Variants in STAT1 observed in about 807,000 individuals in gnomAD.
STAT1 encodes the protein signal transducer and activator of transcription 1-alpha/beta.
A neutral mutation model predicts 111.7 loss-of-function variants in STAT1; 24 were observed. That is an observed-to-expected ratio of 0.21 (90% CI 0.16 to 0.30). The LOEUF is 0.30. Ranked by LOEUF, STAT1 falls within the 10% of genes least tolerant of loss-of-function variation. The pLI is 1.00. For synonymous variants in STAT1, 332 were observed against 326.5 expected (o/e 1.02, Z -0.18); for missense variants, 351 against 911.9 (o/e 0.38, Z 7.92).
rs566349352 is a variant in STAT1, at chr2:190,970,346, A to G, written c.*357T>C. On this transcript the variant is annotated 3_prime_UTR_variant, in exon 25 of 25. Coordinates refer to ENST00000361099, the MANE Select transcript of STAT1 (RefSeq NM_007315.4). This position sits in a 1 kb window ranked among gnomAD's most constrained non-coding sequence, Gnocchi z 5.4. Reference sequence around the variant, plus strand: ...ACTGATTTATCCAACAACCTATAACAGTTGGGCACTGACTTTATGCATAAC... The same window carrying G: ...ACTGATTTATCCAACAACCTATAACGGTTGGGCACTGACTTTATGCATAAC... 2 of 365,550 alleles carry G rather than the reference A, an allele frequency of 5.5e-6. No individual in the cohort carries two copies. The highest frequency in any genetic ancestry group is 4.2e-5 in the African/African-American group (2 of 47,904). The allele number at this position is 365,550 out of a possible 1,614,324, so 22.6% of individuals were successfully genotyped here.
At position 191,003,772 on chromosome 2, in the gene STAT1, T is replaced by C. The variant is rs929841265; in HGVS notation, c.373-2609A>G. On this transcript the variant is annotated intron_variant, in intron 5 of 24. Coordinates refer to ENST00000361099, the MANE Select transcript of STAT1 (RefSeq NM_007315.4). The surrounding 1 kb of genome is among the most constrained non-coding windows in gnomAD (Gnocchi z 4.0). ...AGTCTCAGGTATTTCTTTATAGCCA[T>C]GCAAGAACAGACTAATACAACTTCT... Among the ~76,000 whole-genome samples the C allele has an allele frequency of 3.3e-5, 5 of 152,190 alleles. 1 individual carries two copies. The highest frequency in any genetic ancestry group is 9.7e-5 in the African/African-American group (4 of 41,426).
At chr2:190,985,598 A>G in intron 15 of STAT1, 21 bp downstream of exon 15, 1 of 1,614,138 alleles carries the variant, frequency 6.2e-7, no homozygotes, top group Non-Finnish European at 8.5e-7. Flanking sequence ...GGGCCCATTC[A>G]CAACATAAAG....
chr2:191,009,166 C>T, intron 3 of STAT1, 59 bp from the exon 4 acceptor site: 1 of 1,574,360 alleles, frequency 6.4e-7, no homozygotes. Flanking sequence ...GTAAAACAGA[C>T]AAAACAAATG....
At position 190,989,813 on chromosome 2, in the gene STAT1, T is replaced by C; in HGVS notation, c.1038-139A>G. 1.6e-6 allele frequency: 1 copy of C among 640,258 alleles called. No homozygotes were observed. The highest frequency in any genetic ancestry group is 2.8e-6 in the Non-Finnish European group (1 of 360,926). 39.7% of individuals were successfully genotyped at this position (640,258 alleles called of 1,614,324 possible). A position where few individuals can be genotyped will look rare whatever the true frequency, so the allele number is the denominator to read the frequency against. ...ATTACCAACAAAAAAACTGACAGTT[T>C]TGTAGATCTACTTAAATTTTTGTAA... On this transcript the variant is annotated intron_variant, in intron 11 of 24. Coordinates refer to ENST00000361099, the MANE Select transcript of STAT1 (RefSeq NM_007315.4). The surrounding 1 kb of genome is among the most constrained non-coding windows in gnomAD (Gnocchi z 5.0).
chr2:191,005,206 C>G (rs1169065917), intron 5 of STAT1, among the ~76,000 whole-genome samples: 1 of 152,180 alleles, frequency 6.6e-6, no homozygotes, highest in Non-Finnish European at 1.5e-5. Context: ...ACAGTTTCAA[C>G]AATTAGCATT....
intron 12 of STAT1, among the ~76,000 whole-genome samples, chr2:190,988,942 G>A (rs1240151762): frequency 6.6e-6 from 1 of 152,078 alleles, no homozygotes; most frequent in East Asian, 1.9e-4. Context: ...CTTAATGAGA[G>A]TGGCCAAGTT....
Position 190,970,737 on chromosome 2 carries a change from G to A in STAT1, c.2239-20C>T, listed in dbSNP as rs1193683348. On this transcript the variant is annotated intron_variant, in intron 24 of 24. Coordinates refer to ENST00000361099, the MANE Select transcript of STAT1 (RefSeq NM_007315.4). The surrounding 1 kb of genome is among the most constrained non-coding windows in gnomAD (Gnocchi z 5.4). ...GTTCATCTGTAAAAAGACAAAATGT[G>A]GTTAAGTTTATTACACTGATCTTGT... The A allele has an allele frequency of 6.2e-7, 1 of 1,611,368 alleles. No individual in the cohort carries two copies. Among genetic ancestry groups the A allele is most frequent in the Non-Finnish European group, 8.5e-7 (1 of 1,177,988 alleles).
Position 191,001,144 on chromosome 2 carries a change from T to C in STAT1, c.392A>G (p.Gln131Arg). ...RFNQAQSGNI[Q>R]STVMLDKQKE... Reference sequence around the variant, plus strand: ...CTGTTTGTCTAACATCACTGTGCTCTGAATATTCCCCGACTGAGCCTGTAA... The same window carrying C: ...CTGTTTGTCTAACATCACTGTGCTCCGAATATTCCCCGACTGAGCCTGTAA... The change falls in exon 6 of 25, where the codon CAG (glutamine) becomes CGG (arginine). Residue 131 changes from glutamine (Q) to arginine (R), a missense_variant. Physicochemically the swap from Gln to Arg is conservative, Grantham distance 43. Coordinates refer to ENST00000361099, the MANE Select transcript of STAT1 (RefSeq NM_007315.4). The C allele has an allele frequency of 6.2e-7, 1 of 1,613,946 alleles. No individual in the cohort carries two copies. Among genetic ancestry groups the C allele is most frequent in the Non-Finnish European group, 8.5e-7 (1 of 1,179,806 alleles).
chr2:191,003,231 C>T lies in STAT1; in HGVS notation c.373-2068G>A, dbSNP rs771077234. On this transcript the variant is annotated intron_variant, in intron 5 of 24. Coordinates refer to ENST00000361099, the MANE Select transcript of STAT1 (RefSeq NM_007315.4). This position sits in a 1 kb window ranked among gnomAD's most constrained non-coding sequence, Gnocchi z 4.0. ...AGCTGTAAAGTGTGTATTAGAAATA[C>T]ATGAATGTTACTGGTATCCTCTGTA... 1.3e-5 allele frequency among the ~76,000 whole-genome samples: 2 copies of T among 152,202 alleles called. No individual in the cohort carries two copies. The highest frequency in any genetic ancestry group is 4.8e-5 in the African/African-American group (2 of 41,446).
At chr2:191,009,254 G>C in intron 3 of STAT1, 147 bp from the exon 4 acceptor site, 1 of 1,019,502 alleles carries the variant, frequency 9.8e-7, no homozygotes, top group Non-Finnish European at 1.4e-6. Context: ...AACTGACATT[G>C]CTTTTAGCAG....
At chr2:191,009,190 T>C in intron 3 of STAT1, 83 bp from the exon 4 acceptor site, 1 of 1,473,044 alleles carries the variant, frequency 6.8e-7, no homozygotes, top group Non-Finnish European at 9.3e-7. Flanking sequence ...GTTTCCTTAT[T>C]GAAATTATTA....
chr2:191,014,147 C>T lies in STAT1; in HGVS notation c.-285G>A, dbSNP rs1695364453. 1 of 153,984 alleles carries T rather than the reference C, an allele frequency of 6.5e-6. No homozygotes were observed. Among genetic ancestry groups the T allele is most frequent in the Admixed American group, 6.5e-5 (1 of 15,320 alleles). 9.5% of individuals were successfully genotyped at this position (153,984 alleles called of 1,614,324 possible). On this transcript the variant is annotated 5_prime_UTR_variant, in exon 1 of 25. Transcript: ENST00000361099. Reference sequence around the variant, plus strand: ...CCCCCGGTGCAGCCGAGCCCCTCCGCAGACTCTGCGCAGGAAAGCGAAACT... The same window carrying T: ...CCCCCGGTGCAGCCGAGCCCCTCCGTAGACTCTGCGCAGGAAAGCGAAACT...
Position 190,971,066 on chromosome 2 carries a change from T to C in STAT1, c.2239-349A>G, listed in dbSNP as rs1476486955. Among the ~76,000 whole-genome samples, 1 of 152,194 alleles carries C rather than the reference T, an allele frequency of 6.6e-6. No homozygotes were observed. The highest frequency in any genetic ancestry group is 2.4e-5 in the African/African-American group (1 of 41,460). ...ACGGGTGAGGAAATGCTGAGCCATA[T>C]GCCAGAGGGAGAGAGGAAGGAGAGG... On this transcript the variant is annotated intron_variant, in intron 24 of 24. Coordinates refer to ENST00000361099, the MANE Select transcript of STAT1 (RefSeq NM_007315.4). The surrounding 1 kb of genome is among the most constrained non-coding windows in gnomAD (Gnocchi z 4.1).
chr2:190,987,662 G>C lies in STAT1; in HGVS notation c.1098-594C>G, dbSNP rs1692960038. Among the ~76,000 whole-genome samples, 1 of 152,172 alleles carries C rather than the reference G, an allele frequency of 6.6e-6. No homozygotes were observed. Among genetic ancestry groups the C allele is most frequent in the Non-Finnish European group, 1.5e-5 (1 of 68,018 alleles). ...GTTTTAAGTCTGAGGTTAAAATTTT[G>C]AAAGACCTTGCACTTCTATATCCAG... On this transcript the variant is annotated intron_variant, in intron 12 of 24. Coordinates refer to ENST00000361099, the MANE Select transcript of STAT1 (RefSeq NM_007315.4). This position sits in a 1 kb window ranked among gnomAD's most constrained non-coding sequence, Gnocchi z 4.0.
Position 190,983,153 on chromosome 2 carries a change from A to G in STAT1, c.1446+489T>C, listed in dbSNP as rs1692515987. ...AAGGTGTCTTTAAACAGAAACACAC[A>G]TAAACAATGTTATGCATTGATGGGT... On this transcript the variant is annotated intron_variant, in intron 17 of 24. Coordinates refer to ENST00000361099, the MANE Select transcript of STAT1 (RefSeq NM_007315.4). This position sits in a 1 kb window ranked among gnomAD's most constrained non-coding sequence, Gnocchi z 5.7. Among the ~76,000 whole-genome samples, 1 of 152,244 alleles carries G rather than the reference A, an allele frequency of 6.6e-6. No individual in the cohort carries two copies. Among genetic ancestry groups the G allele is most frequent in the Admixed American group, 6.5e-5 (1 of 15,284 alleles).
chr2:190,995,123 G>A lies in STAT1; in HGVS notation c.882C>T (p.Ile294=), dbSNP rs999631915. The change falls in exon 10 of 25, where the codon ATC becomes ATT. Residue 294 remains isoleucine (I), a synonymous_variant. Transcript: ENST00000361099. The surrounding 1 kb of genome is among the most constrained non-coding windows in gnomAD (Gnocchi z 4.2). ...CCCATAACACTTGTTTGTTTTTTGT[G>A]ATAGGGTCATGTTCGTAGGTGTATT... ...EQKYTYEHDP[I]TKNKQVLWDR... is the part of the protein sequence containing the mutation. The A allele has an allele frequency of 6.8e-6, 11 of 1,613,598 alleles. No individual in the cohort carries two copies. The highest frequency in any genetic ancestry group is 9.3e-6 in the Non-Finnish European group (11 of 1,179,924).
At chr2:190,972,733 C>CTTT (rs576414210) in intron 24 of STAT1, among the ~76,000 whole-genome samples, 2 of 126,378 alleles carry the variant, frequency 1.6e-5, no homozygotes, top group Admixed American at 7.7e-5. Context: ...CTTTTCTTTT[C>CTTT]TTTTTTTTTT....
In STAT1 at chr2:190,976,768, G is replaced by C; in HGVS notation, c.2059+72C>G. 1 of 1,331,114 alleles carries C rather than the reference G, an allele frequency of 7.5e-7. No individual in the cohort carries two copies. The highest frequency in any genetic ancestry group is 1.2e-5 in the South Asian group (1 of 84,558). 82.5% of individuals were successfully genotyped at this position (1,331,114 alleles called of 1,614,324 possible). On this transcript the variant is annotated intron_variant, in intron 22 of 24. Transcript: ENST00000361099. This position sits in a 1 kb window ranked among gnomAD's most constrained non-coding sequence, Gnocchi z 6.0. ...TCGAAAGCAAAACACTGCATGGGTG[G>C]AGTTTCAGAATAATCACCCCCTCAT...
intron 24 of STAT1, among the ~76,000 whole-genome samples, chr2:190,972,714 ACT>A (rs1220604526): frequency 1.4e-5 from 2 of 144,382 alleles, no homozygotes; most frequent in Non-Finnish European, 3.0e-5. Context: ...TATATTATGA[ACT>A]CTTTTTCTTT....
Sources: gnomAD v4.1 joint callset for allele counts (sites outside exome capture counted in the v4.1 genomes callset) on GRCh38, gnomAD v4.1.1 for gene constraint, Gnocchi (gnomAD v3.1) non-coding constraint, MANE v1.5 for transcripts, NCBI Gene and HGNC (gene_info 2026-07-23, HGNC 2026-07-21) for gene names.